MCHR2: variants seen among roughly 807,000 people sequenced by gnomAD.
The protein encoded by MCHR2 is melanin concentrating hormone receptor 2.
Under a neutral mutation model 24.8 loss-of-function variants are expected in MCHR2, and 15 were observed. The observed-to-expected ratio is 0.60, with a 90% confidence interval of 0.40 to 0.93. The LOEUF (loss-of-function observed/expected upper bound fraction) is 0.93, where lower values mean the gene tolerates loss of function less well. Among genes scored for constraint, MCHR2 ranks in the 40% least tolerant of loss-of-function variants. MCHR2 has a pLI of 0.00. For synonymous variants in MCHR2, 151 were observed against 147.6 expected (o/e 1.02, Z -0.17); for missense variants, 386 against 408.7 (o/e 0.94, Z 0.48).
intron 1 of MCHR2, among the ~76,000 whole-genome samples, chr6:99,973,321 C>T (rs527826325): frequency 4.4e-4 from 67 of 151,860 alleles, no homozygotes; most frequent in African/African-American, 1.6e-3. Flanking sequence ...TATGTAATGG[C>T]CTTCTTTGTC....
rs575095540 is a variant in MCHR2, at chr6:99,918,792, T to C, written c.*2148A>G. Among the ~76,000 whole-genome samples, 1 of 152,336 alleles carries C rather than the reference T, an allele frequency of 6.6e-6. No individual in the cohort carries two copies. The highest frequency in any genetic ancestry group is 6.5e-5 in the Admixed American group (1 of 15,300). On this transcript the variant is annotated 3_prime_UTR_variant, in exon 6 of 6. Transcript: ENST00000281806. ...AAAGGGACAAAAATAAATTTATTAATCACCCTTTTTATTTTCTACTTTGAT... is the reference window on the plus strand; with the variant it reads ...AAAGGGACAAAAATAAATTTATTAACCACCCTTTTTATTTTCTACTTTGAT...
intron 5 of MCHR2, among the ~76,000 whole-genome samples, chr6:99,922,573 A>G (rs1774261205): frequency 6.6e-6 from 1 of 152,202 alleles, no homozygotes; most frequent in Non-Finnish European, 1.5e-5. Context: ...GTATATAATG[A>G]GAAATGGGGC....
chr6:99,968,101 G>T (rs1296318912), intron 1 of MCHR2, among the ~76,000 whole-genome samples: 1 of 152,112 alleles, frequency 6.6e-6, no homozygotes, highest in Non-Finnish European at 1.5e-5. Context: ...ATTAATATCA[G>T]TTATTACAAT....
chr6:99,945,882 C>G (rs970079590), intron 3 of MCHR2, among the ~76,000 whole-genome samples: 2 of 152,092 alleles, frequency 1.3e-5, no homozygotes, highest in African/African-American at 4.8e-5. Context: ...TAAGATACCA[C>G]GCCTGCATGT....
At chr6:99,924,057 G>T (rs1235950289) in intron 5 of MCHR2, among the ~76,000 whole-genome samples, 1 of 152,038 alleles carries the variant, frequency 6.6e-6, no homozygotes. Flanking sequence ...TTTCTTGGGA[G>T]ACTTTTAATT....
chr6:99,974,292 C>A (rs1036530737), intron 1 of MCHR2, among the ~76,000 whole-genome samples: 9 of 152,162 alleles, frequency 5.9e-5, no homozygotes, highest in African/African-American at 2.2e-4. Flanking sequence ...CTTCCCTTCT[C>A]ACTTCATTTC....
intron 5 of MCHR2, among the ~76,000 whole-genome samples, chr6:99,926,679 G>A (rs1469990082): frequency 2.0e-5 from 3 of 152,038 alleles, no homozygotes; most frequent in African/African-American, 4.8e-5. Context: ...TTTTTGATGG[G>A]GTTGTTTGTT....
At chr6:99,970,478 T>A (rs1178028562) in intron 1 of MCHR2, among the ~76,000 whole-genome samples, 1 of 152,204 alleles carries the variant, frequency 6.6e-6, no homozygotes, top group Non-Finnish European at 1.5e-5. Context: ...GTCATATGAG[T>A]AGGGTGCGAA....
chr6:99,978,640 G>A (rs908959646), intron 1 of MCHR2, among the ~76,000 whole-genome samples: 35 of 151,980 alleles, frequency 2.3e-4, no homozygotes, highest in Non-Finnish European at 4.0e-4. Context: ...GGATGATCTC[G>A]ATCTCGTGAC....
chr6:99,925,711 C>A (rs1438456968), intron 5 of MCHR2, among the ~76,000 whole-genome samples: 1 of 151,734 alleles, frequency 6.6e-6, no homozygotes, highest in East Asian at 1.9e-4. Context: ...ACTTTGTACC[C>A]CCAATTTTTA....
chr6:99,960,400 T>C (rs1399330611), intron 1 of MCHR2, among the ~76,000 whole-genome samples: 1 of 152,130 alleles, frequency 6.6e-6, no homozygotes, highest in Non-Finnish European at 1.5e-5. Context: ...AAAATGGCCA[T>C]ACTGCCCAAG....
At chr6:99,966,343 TG>T (rs1775296317) in intron 1 of MCHR2, among the ~76,000 whole-genome samples, 1 of 152,164 alleles carries the variant, frequency 6.6e-6, no homozygotes, top group Non-Finnish European at 1.5e-5. Flanking sequence ...AAAGGCAAAT[TG>T]GTGTATCAAT....
intron 5 of MCHR2, among the ~76,000 whole-genome samples, chr6:99,923,170 T>A (rs1774274672): frequency 6.6e-6 from 1 of 152,122 alleles, no homozygotes; most frequent in Admixed American, 6.5e-5. Context: ...CTTACTTTTT[T>A]ATTTCTTTTT....
At chr6:99,923,350 G>T (rs780627443) in intron 5 of MCHR2, among the ~76,000 whole-genome samples, 1 of 151,930 alleles carries the variant, frequency 6.6e-6, no homozygotes, top group Non-Finnish European at 1.5e-5. Flanking sequence ...GGATAATTTG[G>T]CTTATTCCTT....
At chr6:99,976,929 C>T (rs1254668821) in intron 1 of MCHR2, among the ~76,000 whole-genome samples, 1 of 152,218 alleles carries the variant, frequency 6.6e-6, no homozygotes, top group Non-Finnish European at 1.5e-5. Flanking sequence ...TTGTCAGCAA[C>T]TCATACATTC....
At chr6:99,928,555 T>G (rs1266621156) in intron 5 of MCHR2, among the ~76,000 whole-genome samples, 2 of 152,168 alleles carry the variant, frequency 1.3e-5, no homozygotes, top group Non-Finnish European at 2.9e-5. Context: ...TTCTTCCTGG[T>G]TTAGTCTTGG....
intron 1 of MCHR2, among the ~76,000 whole-genome samples, chr6:99,964,618 G>A (rs1351374986): frequency 6.6e-6 from 1 of 152,080 alleles, no homozygotes; most frequent in Non-Finnish European, 1.5e-5. Context: ...CAGCATGGGG[G>A]AAACTGCCCC....
chr6:99,954,678 G>A (rs914086847), intron 2 of MCHR2, among the ~76,000 whole-genome samples: 9 of 152,134 alleles, frequency 5.9e-5, no homozygotes, highest in Admixed American at 1.3e-4. Flanking sequence ...TTACTGCTAA[G>A]TATTGTTGTG....
intron 1 of MCHR2, among the ~76,000 whole-genome samples, chr6:99,957,244 C>A (rs1455619002): frequency 6.6e-6 from 1 of 152,080 alleles, no homozygotes; most frequent in African/African-American, 2.4e-5. Flanking sequence ...TGAGCTGGAG[C>A]CTCAGGGGCT....
Sources: allele counts gnomAD v4.1 joint callset (sites outside exome capture counted in the v4.1 genomes callset), GRCh38; gene constraint gnomAD v4.1.1; transcripts MANE v1.5; gene names NCBI Gene and HGNC (gene_info 2026-07-23, HGNC 2026-07-21).